Variants in TAFA2 observed in about 807,000 individuals in gnomAD.
TAFA2 encodes TAFA chemokine like family member 2.
Under a neutral mutation model 18.8 loss-of-function variants are expected in TAFA2, and 7 were observed. The ratio of observed to expected loss-of-function variants is 0.37; its 90% CI spans 0.21 to 0.70. TAFA2 has a LOEUF of 0.70. Among genes scored for constraint, TAFA2 ranks in the 30% least tolerant of loss-of-function variants. TAFA2 has a pLI of 0.53. For missense variants in TAFA2, 122 were observed against 158.1 expected (o/e 0.77, Z 1.23); for synonymous variants, 60 against 54.2 (o/e 1.11, Z -0.47).
intron 2 of TAFA2, among the ~76,000 whole-genome samples, chr12:61,755,229 G>C (rs942917900): frequency 2.6e-5 from 4 of 152,086 alleles, no homozygotes; most frequent in African/African-American, 9.7e-5. Context: ...TGAATGCTTG[G>C]TAAAGCAGGA....
chr12:61,782,433 G>C (rs1004819000), intron 2 of TAFA2, among the ~76,000 whole-genome samples: 2 of 151,538 alleles, frequency 1.3e-5, no homozygotes, highest in Non-Finnish European at 3.0e-5. Context: ...GAAAATCTTT[G>C]AATCTGCCCA....
intron 2 of TAFA2, among the ~76,000 whole-genome samples, chr12:61,819,847 T>G (rs534989080): frequency 6.6e-6 from 1 of 152,248 alleles, no homozygotes; most frequent in East Asian, 1.9e-4. Flanking sequence ...CCATGCAATT[T>G]TATTAATTTC....
At chr12:61,875,622 T>C (rs1256636440) in intron 1 of TAFA2, among the ~76,000 whole-genome samples, 4 of 152,152 alleles carry the variant, frequency 2.6e-5, no homozygotes, top group African/African-American at 9.7e-5. Flanking sequence ...ATATGAAATG[T>C]ATGTGTCCAC....
intron 2 of TAFA2, among the ~76,000 whole-genome samples, chr12:61,846,376 A>T (rs994827407): frequency 6.6e-6 from 1 of 152,170 alleles, no homozygotes; most frequent in African/African-American, 2.4e-5. Context: ...AGGATTTTCT[A>T]AATGATTAGA....
intron 2 of TAFA2, among the ~76,000 whole-genome samples, chr12:61,804,349 A>G (rs999282210): frequency 3.3e-5 from 5 of 152,044 alleles, no homozygotes; most frequent in African/African-American, 1.2e-4. Flanking sequence ...AGAACTTGCC[A>G]TAAATGAAGA....
At chr12:62,112,258 G>A (rs140791842) in intron 1 of TAFA2, among the ~76,000 whole-genome samples, 3,462 of 152,230 alleles carry the variant, frequency 0.023, 52 homozygotes, top group Non-Finnish European at 0.036. Context: ...GCTTAGTTTG[G>A]CTGGATATGA....
At chr12:62,006,216 T>C (rs1288070816) in intron 1 of TAFA2, among the ~76,000 whole-genome samples, 4 of 152,184 alleles carry the variant, frequency 2.6e-5, no homozygotes, top group Non-Finnish European at 5.9e-5. Flanking sequence ...ATTTGAAAGT[T>C]TATCAGTGGT....
intron 1 of TAFA2, among the ~76,000 whole-genome samples, chr12:62,203,404 G>C (rs1023635847): frequency 1.3e-5 from 2 of 152,156 alleles, no homozygotes; most frequent in Admixed American, 1.3e-4. Context: ...TTAATTTTCT[G>C]TCTCGATCAT....
At position 62,237,053 on chromosome 12, in the gene TAFA2, C is replaced by A. The variant is rs61919222; in HGVS notation, c.-130+21710G>T. Among the ~76,000 whole-genome samples the A allele has an allele frequency of 6.3e-3, 957 of 152,286 alleles. 3 individuals are homozygous for A. The highest frequency in any genetic ancestry group is 0.01 in the Admixed American group (154 of 15,306). ...ATAGTCATTCTACCCCTTGCTCTTT[C>A]TCAACTCTTCCTTGAACACCAATGA... On this transcript the variant is annotated intron_variant, in intron 1 of 5. Transcript: ENST00000551619.
chr12:61,980,486 G>A (rs555162073), intron 1 of TAFA2, among the ~76,000 whole-genome samples: 32 of 152,172 alleles, frequency 2.1e-4, no homozygotes, highest in Non-Finnish European at 3.5e-4. Flanking sequence ...AGAAATAAAG[G>A]TATTCAATTA....
chr12:62,079,470 T>C (rs1008581394), intron 1 of TAFA2, among the ~76,000 whole-genome samples: 1 of 146,364 alleles, frequency 6.8e-6, no homozygotes, highest in African/African-American at 2.6e-5. Context: ...CTGGCCAACA[T>C]GGTGAAACCC....
intron 1 of TAFA2, among the ~76,000 whole-genome samples, chr12:62,113,682 T>C (rs942359090): frequency 2.6e-5 from 4 of 152,160 alleles, no homozygotes; most frequent in Admixed American, 2.6e-4. Flanking sequence ...CTTTCAGAGA[T>C]GCCCTGCCCA....
At chr12:61,878,793 T>C (rs1326983002) in intron 1 of TAFA2, among the ~76,000 whole-genome samples, 1 of 152,156 alleles carries the variant, frequency 6.6e-6, no homozygotes, top group Non-Finnish European at 1.5e-5. Flanking sequence ...CTAAGCTCCT[T>C]GACAAACCAT....
rs1392114012 is a variant in TAFA2, at chr12:61,811,945, T to C, written c.106+55375A>G. Among the ~76,000 whole-genome samples, 3 of 151,370 alleles carry C rather than the reference T, an allele frequency of 2.0e-5. 1 individual carries two copies. Among genetic ancestry groups the C allele is most frequent in the African/African-American group, 7.4e-5 (3 of 40,686 alleles). ...TACACTAGGTAGATAAATCTAATGA[T>C]CAAGTATAGATTGAACTAGTTTATA... On this transcript the variant is annotated intron_variant, in intron 2 of 4. Transcript: ENST00000416284.
chr12:62,256,768 A>C (rs2062941166), intron 1 of TAFA2, among the ~76,000 whole-genome samples: 1 of 152,170 alleles, frequency 6.6e-6, no homozygotes, highest in Non-Finnish European at 1.5e-5. Flanking sequence ...CGTGGCACTT[A>C]CAATTTTTAT....
intron 4 of TAFA2, among the ~76,000 whole-genome samples, chr12:61,724,422 G>A (rs919854237): frequency 6.7e-6 from 1 of 149,674 alleles, no homozygotes; most frequent in African/African-American, 2.5e-5. Flanking sequence ...GGGGGAACAG[G>A]TGGTTTTTGG....
In TAFA2 at chr12:61,817,895, C is replaced by T. The variant is rs1011741355; in HGVS notation, c.106+49425G>A. On this transcript the variant is annotated intron_variant, in intron 2 of 4. Coordinates refer to ENST00000416284, the MANE Select transcript of TAFA2 (RefSeq NM_178539.5). ...GTGCTCCAAACCTCATTCTCAGAAA[C>T]TTTAAATCACAGGGATGGCTCTAGG... Among the ~76,000 whole-genome samples, 3 of 152,142 alleles carry T rather than the reference C, an allele frequency of 2.0e-5. No individual in the cohort carries two copies. In the East Asian group the frequency reaches 5.8e-4, roughly 29 times the overall value.
At chr12:62,142,007 C>G (rs1196491470) in intron 1 of TAFA2, among the ~76,000 whole-genome samples, 1 of 152,148 alleles carries the variant, frequency 6.6e-6, no homozygotes, top group East Asian at 1.9e-4. Context: ...CCACTAATGC[C>G]AGGCATCACA....
At chr12:62,070,873 T>C (rs1371761724) in intron 1 of TAFA2, among the ~76,000 whole-genome samples, 1 of 152,160 alleles carries the variant, frequency 6.6e-6, no homozygotes. Context: ...TTATAAAACA[T>C]GAATGTTTCA....
Sources: gnomAD v4.1 joint callset for allele counts (sites outside exome capture counted in the v4.1 genomes callset) on GRCh38, gnomAD v4.1.1 for gene constraint, MANE v1.5 for transcripts, NCBI Gene and HGNC (gene_info 2026-07-23, HGNC 2026-07-21) for gene names.